Variants in CDH4 observed in about 807,000 individuals in gnomAD.
CDH4 encodes cadherin 4, also known as cadherin-4.
CDH4 carries 33 observed loss-of-function variants against 86.0 expected under a neutral mutation model. That is an observed-to-expected ratio of 0.38 (90% CI 0.29 to 0.51). The LOEUF (loss-of-function observed/expected upper bound fraction) is 0.51, where lower values mean the gene tolerates loss of function less well. Ranked by LOEUF, CDH4 falls within the 20% of genes least tolerant of loss-of-function variation. The pLI, the probability that CDH4 is intolerant of heterozygous loss-of-function variation, is 0.86. For synonymous variants in CDH4, 555 were observed against 549.4 expected, an observed-to-expected ratio of 1.01 and a Z score of -0.14; for missense variants, 1,114 against 1,307.4, an observed-to-expected ratio of 0.85 and a Z score of 2.28.
chr20:61,779,585 C>T (rs756806039), intron 4 of CDH4, among the ~76,000 whole-genome samples: 8 of 152,266 alleles, frequency 5.3e-5, no homozygotes, highest in Non-Finnish European at 8.8e-5. Flanking sequence ...GTTTCCTTCA[C>T]GTCTTCTGGA....
chr20:61,378,210 T>C (rs1721278683), intron 2 of CDH4, among the ~76,000 whole-genome samples: 1 of 152,214 alleles, frequency 6.6e-6, no homozygotes, highest in African/African-American at 2.4e-5. Context: ...GCCATGATCA[T>C]TGCCACTGCA....
At chr20:61,388,138 C>T (rs1276557493) in intron 2 of CDH4, among the ~76,000 whole-genome samples, 2 of 152,296 alleles carry the variant, frequency 1.3e-5, no homozygotes, top group East Asian at 1.9e-4. Flanking sequence ...AGGGTGGAGA[C>T]GGCAGGGCTG....
At chr20:61,315,793 T>A (rs1326001626) in intron 2 of CDH4, among the ~76,000 whole-genome samples, 1 of 152,222 alleles carries the variant, frequency 6.6e-6, no homozygotes, top group Non-Finnish European at 1.5e-5. Flanking sequence ...AGCCTCAAAC[T>A]CATGGTCTCA....
chr20:61,346,564 C>T (rs2084680461), intron 2 of CDH4, among the ~76,000 whole-genome samples: 1 of 151,922 alleles, frequency 6.6e-6, no homozygotes, highest in African/African-American at 2.4e-5. Context: ...GCCAACATGG[C>T]GAAACCCCAT....
chr20:61,927,713 G>A (rs148314618), intron 11 of CDH4, among the ~76,000 whole-genome samples: 6 of 152,338 alleles, frequency 3.9e-5, no homozygotes, highest in East Asian at 3.9e-4. Context: ...CCCAGCACCC[G>A]CAGAACCCCT....
chr20:61,439,099 G>T (rs1332017661), intron 2 of CDH4, among the ~76,000 whole-genome samples: 1 of 152,080 alleles, frequency 6.6e-6, no homozygotes, highest in Non-Finnish European at 1.5e-5. Context: ...ACTTTTAAAA[G>T]ACTTGTCTTT....
intron 2 of CDH4, among the ~76,000 whole-genome samples, chr20:61,707,788 G>A (rs893571977): frequency 3.3e-5 from 5 of 152,246 alleles, no homozygotes; most frequent in African/African-American, 1.2e-4. Flanking sequence ...TCCCGTGCAC[G>A]TGCAGTTCAC....
intron 9 of CDH4, among the ~76,000 whole-genome samples, chr20:61,911,932 G>A (rs114222747): frequency 0.01 from 1,561 of 152,262 alleles, 32 homozygotes; most frequent in African/African-American, 0.036. Context: ...TTAAATACTC[G>A]AGAGTTGTAT....
intron 2 of CDH4, chr20:61,370,908 T>C (rs553436291): frequency 6.6e-6 from 1 of 152,354 alleles, no homozygotes; most frequent in Admixed American, 6.5e-5. Flanking sequence ...TGGTGCCGGC[T>C]CTTTGTCCTT....
intron 4 of CDH4, among the ~76,000 whole-genome samples, chr20:61,839,092 A>G (rs531511452): frequency 6.6e-6 from 1 of 152,328 alleles, no homozygotes; most frequent in Non-Finnish European, 1.5e-5. Flanking sequence ...GCTTAATATC[A>G]TAGAAGGAGA....
intron 2 of CDH4, among the ~76,000 whole-genome samples, chr20:61,390,453 A>G (rs13038347): frequency 4.5e-5 from 6 of 133,188 alleles, no homozygotes; most frequent in African/African-American, 5.8e-5. Flanking sequence ...ATGTCTAGGA[A>G]ACCCCGATTG....
In CDH4 at chr20:61,365,983, C is replaced by G. The variant is rs981748545; in HGVS notation, c.169+111046C>G. Among the ~76,000 whole-genome samples the G allele has an allele frequency of 2.0e-5, 3 of 152,118 alleles. No individual in the cohort carries two copies. In the South Asian group the frequency reaches 6.2e-4, roughly 32 times the overall value. ...GAGATAATTTAATGATAGTAAATTA[C>G]CCAAATGCGGAATTAGACAGGCATG... On this transcript the variant is annotated intron_variant, in intron 2 of 15. Coordinates refer to ENST00000614565, the MANE Select transcript of CDH4 (RefSeq NM_001794.5).
intron 6 of CDH4, among the ~76,000 whole-genome samples, chr20:61,862,280 C>T (rs1983365278): frequency 6.6e-6 from 1 of 152,196 alleles, no homozygotes; most frequent in Admixed American, 6.5e-5. Context: ...TTCACCCTTG[C>T]CGTGGAGGCT....
intron 4 of CDH4, among the ~76,000 whole-genome samples, chr20:61,817,726 A>G (rs1031459694): frequency 6.6e-6 from 1 of 152,220 alleles, no homozygotes; most frequent in African/African-American, 2.4e-5. Flanking sequence ...GCCTGCCTGG[A>G]CAGTGGGTCA....
At chr20:61,835,448 T>G (rs1233227706) in intron 4 of CDH4, among the ~76,000 whole-genome samples, 1 of 152,210 alleles carries the variant, frequency 6.6e-6, no homozygotes, top group East Asian at 1.9e-4. Flanking sequence ...ACTGCTAGTG[T>G]AGCCAGGTCC....
At chr20:61,494,104 G>C (rs2085642909) in intron 2 of CDH4, among the ~76,000 whole-genome samples, 1 of 152,246 alleles carries the variant, frequency 6.6e-6, no homozygotes, top group African/African-American at 2.4e-5. Flanking sequence ...AGCAGGTGGA[G>C]ACAGGAGCGC....
chr20:61,712,410 C>T (rs2087903268), intron 2 of CDH4, among the ~76,000 whole-genome samples: 1 of 152,114 alleles, frequency 6.6e-6, no homozygotes, highest in Non-Finnish European at 1.5e-5. Context: ...CTGGCAGGGC[C>T]AACAGTGTTG....
At chr20:61,498,219 A>G (rs985078531) in intron 2 of CDH4, among the ~76,000 whole-genome samples, 4 of 152,112 alleles carry the variant, frequency 2.6e-5, no homozygotes, top group Admixed American at 6.5e-5. Flanking sequence ...TAAAAAAAAA[A>G]GGCCACAGCT....
chr20:61,302,162 C>T (rs553586427), intron 2 of CDH4, among the ~76,000 whole-genome samples: 1 of 152,184 alleles, frequency 6.6e-6, no homozygotes, highest in African/African-American at 2.4e-5. Flanking sequence ...TTTAGTAGGC[C>T]GAGGTCTGGG....
Sources: gnomAD v4.1 joint callset for allele counts (sites outside exome capture counted in the v4.1 genomes callset) on GRCh38, gnomAD v4.1.1 for gene constraint, MANE v1.5 for transcripts, NCBI Gene and HGNC (gene_info 2026-07-23, HGNC 2026-07-21) for gene names.